Variants in CRPPA observed in about 807,000 individuals in gnomAD.
The protein encoded by CRPPA is D-ribitol-5-phosphate cytidylyltransferase.
CRPPA carries 43 observed loss-of-function variants against 52.0 expected under a neutral mutation model. That is an observed-to-expected ratio of 0.83 (90% confidence interval 0.65 to 1.07). CRPPA has a LOEUF of 1.07. CRPPA is among the 50% of genes least tolerant of loss of function. CRPPA has a pLI of 0.00. For synonymous variants in CRPPA, 250 were observed against 203.5 expected, an observed-to-expected ratio of 1.23 and a Z score of -1.94; for missense variants, 629 against 551.7, an observed-to-expected ratio of 1.14 and a Z score of -1.40.
intron 9 of CRPPA, among the ~76,000 whole-genome samples, chr7:16,209,568 A>C (rs1782076119): frequency 6.6e-6 from 1 of 152,152 alleles, no homozygotes; most frequent in South Asian, 2.1e-4. Flanking sequence ...CATGGCGCCC[A>C]GCCCTAAGTG....
chr7:16,346,100 G>A (rs1331561437), intron 3 of CRPPA, among the ~76,000 whole-genome samples: 1 of 152,068 alleles, frequency 6.6e-6, no homozygotes, highest in East Asian at 1.9e-4. Flanking sequence ...TTCTCCAAAT[G>A]TTTCCTTCTT....
At chr7:16,330,223 A>C (rs1785515878) in intron 3 of CRPPA, among the ~76,000 whole-genome samples, 1 of 152,264 alleles carries the variant, frequency 6.6e-6, no homozygotes, top group Non-Finnish European at 1.5e-5. Flanking sequence ...TTGTAAGCTT[A>C]TGAACACTTC....
chr7:16,380,861 T>C (rs1193885196), intron 2 of CRPPA, among the ~76,000 whole-genome samples: 1 of 152,124 alleles, frequency 6.6e-6, no homozygotes, highest in Admixed American at 6.5e-5. Flanking sequence ...TTTCATTGTG[T>C]CTATTTGATT....
At chr7:16,321,044 G>GA (rs1477636166) in intron 3 of CRPPA, among the ~76,000 whole-genome samples, 1 of 151,834 alleles carries the variant, frequency 6.6e-6, no homozygotes, top group East Asian at 1.9e-4. Flanking sequence ...TATCAGTGGG[G>GA]AAAAAAATAA....
At chr7:16,116,439 T>C (rs984084629) in intron 9 of CRPPA, among the ~76,000 whole-genome samples, 8 of 152,010 alleles carry the variant, frequency 5.3e-5, no homozygotes, top group African/African-American at 1.4e-4. Context: ...CCTAGGCAGG[T>C]GGATCACCTG....
intron 2 of CRPPA, among the ~76,000 whole-genome samples, chr7:16,389,928 A>AAAAAAAAAAAAT: frequency 6.7e-5 from 2 of 29,770 alleles, no homozygotes; most frequent in African/African-American, 1.7e-4. Context: ...AAAAAAAAAA[A>AAAAAAAAAAAAT]ATATATATAT....
Position 16,347,801 on chromosome 7 carries a change from C to T in CRPPA, c.684+28291G>A, listed in dbSNP as rs374505873. On this transcript the variant is annotated intron_variant, in intron 3 of 9. Transcript: ENST00000407010. ...AAGAATTCCCAGCACCCAGCTTCTC[C>T]CTGTGGAAAAGAGGGTTTGAACCAC... Among the ~76,000 whole-genome samples, 4 of 152,222 alleles carry T rather than the reference C, an allele frequency of 2.6e-5. No individual in the cohort carries two copies. In the East Asian group the frequency reaches 5.8e-4, roughly 22 times the overall value.
chr7:16,089,385 T>TAC lies in CRPPA; in HGVS notation c.*2309_*2310insGT, dbSNP rs1781775124. 1 of 329,196 alleles carries TAC rather than the reference T, an allele frequency of 3.0e-6. No individual in the cohort carries two copies. Among genetic ancestry groups the TAC allele is most frequent in the African/African-American group, 2.1e-5 (1 of 46,686 alleles). 20.4% of individuals were successfully genotyped at this position (329,196 alleles called of 1,614,324 possible). A position where few individuals can be genotyped will look rare whatever the true frequency, so the allele number is the denominator to read the frequency against. ...ATACATGCATGTACATATATACGTA[T>TAC]ATATGTATGTACATAATGTGTATAT... On this transcript the variant is annotated 3_prime_UTR_variant, in exon 10 of 10. Transcript: ENST00000407010.
chr7:16,400,494 G>A (rs1327528812), intron 2 of CRPPA, among the ~76,000 whole-genome samples: 1 of 152,162 alleles, frequency 6.6e-6, no homozygotes, highest in Non-Finnish European at 1.5e-5. Context: ...TGACCAACAT[G>A]TATAACACCC....
chr7:16,101,677 T>C lies in CRPPA; in HGVS notation c.1252-9878A>G, dbSNP rs183648307. 2.9e-3 allele frequency among the ~76,000 whole-genome samples: 442 copies of C among 152,026 alleles called. 2 individuals are homozygous for C. Among genetic ancestry groups the C allele is most frequent in the African/African-American group, 9.5e-3 (396 of 41,492 alleles). On this transcript the variant is annotated intron_variant, in intron 9 of 9. Transcript: ENST00000407010. ...CACAAGCATTCCTATACACCAATAA[T>C]AGACAGAGAGCCAAATCATGAGTTA...
intron 3 of CRPPA, among the ~76,000 whole-genome samples, chr7:16,370,681 G>C (rs1439795702): frequency 6.6e-6 from 1 of 152,108 alleles, no homozygotes; most frequent in Non-Finnish European, 1.5e-5. Flanking sequence ...TAATTGCAGT[G>C]CTGTGCAGTA....
chr7:16,180,786 A>C (rs958385715), intron 9 of CRPPA, among the ~76,000 whole-genome samples: 1 of 152,090 alleles, frequency 6.6e-6, no homozygotes, highest in African/African-American at 2.4e-5. Flanking sequence ...AGCTTATTGG[A>C]ATTATGTCTA....
rs1314561159 is a variant in CRPPA, at chr7:16,278,246, G to A, written c.836-20C>T. On this transcript the variant is annotated intron_variant, in intron 5 of 9. Transcript: ENST00000407010. Reference sequence around the variant, plus strand: ...TTCTCTCTGAAATTAAAAAAAAAAAGTTTTAAGTTTCAAACAAAACATGTA... The same window carrying A: ...TTCTCTCTGAAATTAAAAAAAAAAAATTTTAAGTTTCAAACAAAACATGTA... 1.4e-5 allele frequency: 17 copies of A among 1,240,020 alleles called. No individual in the cohort carries two copies. Among genetic ancestry groups the A allele is most frequent in the Non-Finnish European group, 1.8e-5 (16 of 881,942 alleles). 76.8% of individuals were successfully genotyped at this position (1,240,020 alleles called of 1,614,324 possible).
chr7:16,354,357 T>C (rs1786242116), intron 3 of CRPPA, among the ~76,000 whole-genome samples: 1 of 152,180 alleles, frequency 6.6e-6, no homozygotes, highest in Admixed American at 6.5e-5. Context: ...TGATTTGTAA[T>C]ACGGTTGAAA....
chr7:16,178,527 T>C (rs1381005549), intron 9 of CRPPA, among the ~76,000 whole-genome samples: 1 of 152,142 alleles, frequency 6.6e-6, no homozygotes, highest in Non-Finnish European at 1.5e-5. Context: ...GAAACAAATG[T>C]AGTATTTATA....
intron 9 of CRPPA, among the ~76,000 whole-genome samples, chr7:16,153,760 C>A (rs1237476569): frequency 6.6e-6 from 1 of 152,060 alleles, no homozygotes; most frequent in African/African-American, 2.4e-5. Flanking sequence ...GGAAACTAAA[C>A]CTCTGTGAGA....
intron 9 of CRPPA, among the ~76,000 whole-genome samples, chr7:16,155,088 G>T (rs973487866): frequency 6.6e-6 from 1 of 151,642 alleles, no homozygotes; most frequent in Admixed American, 6.6e-5. Flanking sequence ...AAAATGCTGG[G>T]ATGAGCCAGG....
intron 9 of CRPPA, among the ~76,000 whole-genome samples, chr7:16,129,658 T>C (rs1185516972): frequency 6.6e-6 from 1 of 152,142 alleles, no homozygotes; most frequent in Non-Finnish European, 1.5e-5. Flanking sequence ...GTACATATTT[T>C]ATTGTCAAGG....
intron 2 of CRPPA, among the ~76,000 whole-genome samples, chr7:16,405,264 A>C (rs1787923660): frequency 2.0e-5 from 3 of 152,098 alleles, no homozygotes; most frequent in Non-Finnish European, 2.9e-5. Flanking sequence ...TAGTATTCTA[A>C]TAGCTAACAT....
Sources: gnomAD v4.1 joint callset for allele counts (sites outside exome capture counted in the v4.1 genomes callset) on GRCh38, gnomAD v4.1.1 for gene constraint, MANE v1.5 for transcripts, NCBI Gene and HGNC (gene_info 2026-07-23, HGNC 2026-07-21) for gene names.